Variants in NECTIN1 observed in about 807,000 individuals in gnomAD.
NECTIN1 encodes nectin cell adhesion molecule 1, also known as nectin-1.
Under a neutral mutation model 48.0 loss-of-function variants are expected in NECTIN1, and 23 were observed. The observed-to-expected ratio is 0.48, with a 90% CI of 0.34 to 0.68. The LOEUF (loss-of-function observed/expected upper bound fraction) is 0.68. NECTIN1 is among the 30% of genes least tolerant of loss of function. The pLI is 0.01. For missense variants in NECTIN1, 591 were observed against 709.9 expected (o/e 0.83, Z 1.90); for synonymous variants, 270 against 288.9 (o/e 0.93, Z 0.66).
chr11:119,640,143 C>A, intron 5 of NECTIN1: 1 of 1,000,420 alleles, frequency 1.0e-6, no homozygotes, highest in Admixed American at 2.0e-5. Context: ...CTCCCCTCCC[C>A]ATGGTGCTCC....
intron 1 of NECTIN1, among the ~76,000 whole-genome samples, chr11:119,701,650 G>C (rs1213759507): frequency 1.3e-5 from 2 of 152,136 alleles, no homozygotes; most frequent in South Asian, 4.1e-4. Flanking sequence ...GCTCTAGGGG[G>C]CATCTGGAGA....
intron 1 of NECTIN1, among the ~76,000 whole-genome samples, chr11:119,703,392 C>T (rs1332326026): frequency 6.6e-6 from 1 of 152,194 alleles, no homozygotes; most frequent in African/African-American, 2.4e-5. Context: ...ATCTCCAGAG[C>T]TCAGAGGCTG....
At position 119,684,248 on chromosome 11, in the gene NECTIN1, A is replaced by C. The variant is rs964840427; in HGVS notation, c.80-5483T>G. ...AGGGGGATTTGGGGCTTCCTGGCAT[A>C]AACCACTTCTTTTGTCCTGGCTGTG... On this transcript the variant is annotated intron_variant, in intron 1 of 5. Transcript: ENST00000264025. The surrounding 1 kb of genome is among the most constrained non-coding windows in gnomAD (Gnocchi z 5.2). Among the ~76,000 whole-genome samples the C allele has an allele frequency of 7.2e-5, 11 of 152,208 alleles. No individual in the cohort carries two copies. The highest frequency in any genetic ancestry group is 2.7e-4 in the African/African-American group (11 of 41,456).
chr11:119,640,212 G>A (rs943417776), intron 5 of NECTIN1: 5 of 626,260 alleles, frequency 8.0e-6, no homozygotes, highest in Admixed American at 2.6e-5. Flanking sequence ...AGTTCCCTAT[G>A]ACCCTGTAAC....
chr11:119,639,586 C>T (rs566603144), intron 6 of NECTIN1: 16 of 520,828 alleles, frequency 3.1e-5, no homozygotes, highest in Admixed American at 9.6e-5. Flanking sequence ...CACTATAAAT[C>T]GTGGATGGTA....
chr11:119,677,345 G>C lies in NECTIN1; in HGVS notation c.734-126C>G. 1 of 1,010,246 alleles carries C rather than the reference G, an allele frequency of 9.9e-7. No individual in the cohort carries two copies. Among genetic ancestry groups the C allele is most frequent in the Non-Finnish European group, 1.6e-6 (1 of 643,636 alleles). 62.6% of individuals were successfully genotyped at this position (1,010,246 alleles called of 1,614,324 possible). A position where few individuals can be genotyped will look rare whatever the true frequency, so the allele number is the denominator to read the frequency against. On this transcript the variant is annotated intron_variant, in intron 3 of 5. Coordinates refer to ENST00000264025, the MANE Select transcript of NECTIN1 (RefSeq NM_002855.5). This position sits in a 1 kb window ranked among gnomAD's most constrained non-coding sequence, Gnocchi z 5.4. Reference sequence around the variant, plus strand: ...AACAGCCAGGAGAGAGGGAAGTGTGGGTGGGAGGGTGGCAATCACAGAGCC... The same window carrying C: ...AACAGCCAGGAGAGAGGGAAGTGTGCGTGGGAGGGTGGCAATCACAGAGCC...
intron 5 of NECTIN1, among the ~76,000 whole-genome samples, chr11:119,655,235 G>A (rs1191021716): frequency 2.0e-5 from 3 of 151,302 alleles, no homozygotes; most frequent in Non-Finnish European, 4.4e-5. Context: ...TTTTTTAAAA[G>A]AGCAATTTTA....
intron 5 of NECTIN1, among the ~76,000 whole-genome samples, chr11:119,648,430 A>ATGGTGGTGG (rs1170809588): frequency 0.071 from 1,237 of 17,510 alleles, 143 homozygotes; most frequent in African/African-American, 0.095. Flanking sequence ...GATGGTGGTG[A>ATGGTGGTGG]TGGTGGTGGT....
At chr11:119,659,820 T>C (rs141448319), downstream of NECTIN1, among the ~76,000 whole-genome samples, 965 of 152,374 alleles carry the variant, frequency 6.3e-3, 5 homozygotes, top group Non-Finnish European at 9.3e-3. Context: ...CACTGCTCTC[T>C]TCCAATGTAT....
intron 7 of NECTIN1, chr11:119,638,391 G>A (rs760031998): frequency 2.6e-6 from 3 of 1,136,580 alleles, no homozygotes; most frequent in Non-Finnish European, 3.8e-6. Context: ...CTGTCTTGGA[G>A]GGCACAAGTG....
intron 1 of NECTIN1, among the ~76,000 whole-genome samples, chr11:119,708,171 G>T (rs1318421122): frequency 1.3e-5 from 2 of 152,176 alleles, no homozygotes; most frequent in Admixed American, 6.5e-5. Flanking sequence ...GCTGGGTCCT[G>T]CAGGATAAGC....
chr11:119,723,540 G>A (rs1865865761), intron 1 of NECTIN1, among the ~76,000 whole-genome samples: 1 of 152,174 alleles, frequency 6.6e-6, no homozygotes, highest in African/African-American at 2.4e-5. Context: ...CCCACCCAGG[G>A]CAAACCTGGG....
intron 5 of NECTIN1, among the ~76,000 whole-genome samples, chr11:119,650,287 G>C (rs11822940): frequency 0.23 from 35,234 of 152,036 alleles, 4,155 homozygotes; most frequent in South Asian, 0.36. Context: ...GGCTTAGCCT[G>C]GGCTCAGAGG....
chr11:119,703,660 G>A (rs910101725), intron 1 of NECTIN1, among the ~76,000 whole-genome samples: 1 of 152,174 alleles, frequency 6.6e-6, no homozygotes, highest in Non-Finnish European at 1.5e-5. Context: ...CAACAACGAG[G>A]CTGACGCTCT....
At chr11:119,643,805 G>T (rs1454259317) in intron 5 of NECTIN1, among the ~76,000 whole-genome samples, 2 of 152,254 alleles carry the variant, frequency 1.3e-5, no homozygotes, top group Non-Finnish European at 2.9e-5. Context: ...TGTGAGCCGG[G>T]AGAGCTGGAA....
At chr11:119,649,211 T>C (rs888625527) in intron 5 of NECTIN1, among the ~76,000 whole-genome samples, 3 of 152,074 alleles carry the variant, frequency 2.0e-5, no homozygotes, top group African/African-American at 7.2e-5. Flanking sequence ...AAACCCCGTC[T>C]CAACTAAACA....
chr11:119,728,433 G>A (rs1865953602), intron 1 of NECTIN1, 42 bp downstream of exon 1: 1 of 1,531,926 alleles, frequency 6.5e-7, no homozygotes, highest in East Asian at 2.4e-5. Context: ...CCCCGGGGAG[G>A]CATTGGATGG....
At position 119,699,388 on chromosome 11, in the gene NECTIN1, G is replaced by A. The variant is rs117941924; in HGVS notation, c.80-20623C>T. On this transcript the variant is annotated intron_variant, in intron 1 of 5. Coordinates refer to ENST00000264025, the MANE Select transcript of NECTIN1 (RefSeq NM_002855.5). ...TTCCCACGGCCCCCGGCCAGCAGAC[G>A]CCAACTAGCCCAGCTCCTCCCTCTC... Among the ~76,000 whole-genome samples the A allele has an allele frequency of 4.1e-3, 627 of 152,106 alleles. 7 individuals are homozygous for A. The East Asian group carries it at 0.049, about 12-fold the overall frequency.
intron 5 of NECTIN1, among the ~76,000 whole-genome samples, chr11:119,644,721 C>T (rs958079634): frequency 5.9e-5 from 9 of 151,974 alleles, no homozygotes; most frequent in East Asian, 1.9e-4. Flanking sequence ...GAGTTCACCG[C>T]GAGAAGAACA....
Sources: allele counts gnomAD v4.1 joint callset (sites outside exome capture counted in the v4.1 genomes callset), GRCh38; gene constraint gnomAD v4.1.1; non-coding constraint Gnocchi (gnomAD v3.1); transcripts MANE v1.5; gene names NCBI Gene and HGNC (gene_info 2026-07-23, HGNC 2026-07-21).